SGCZ: variants seen among roughly 807,000 people sequenced by gnomAD.
SGCZ encodes the protein sarcoglycan zeta, also known as zeta-sarcoglycan.
A neutral mutation model predicts 41.3 loss-of-function variants in SGCZ; 40 were observed. The observed-to-expected ratio is 0.97, with a 90% CI of 0.75 to 1.26. The LOEUF (loss-of-function observed/expected upper bound fraction) is 1.26. Among genes scored for constraint, SGCZ ranks in the 50% most tolerant of loss-of-function variants. The pLI is 0.00. For synonymous variants in SGCZ, 206 were observed against 137.5 expected (o/e 1.50, Z -3.49); for missense variants, 552 against 369.8 (o/e 1.49, Z -4.04).
chr8:15,025,670 G>T (rs778868827), intron 1 of SGCZ, among the ~76,000 whole-genome samples: 41 of 152,172 alleles, frequency 2.7e-4, no homozygotes, highest in Non-Finnish European at 4.9e-4. Flanking sequence ...AGAAAGGATT[G>T]AGATTTTGGT....
At chr8:15,221,036 ATAGCAT>A (rs993026669) in intron 1 of SGCZ, among the ~76,000 whole-genome samples, 27 of 152,192 alleles carry the variant, frequency 1.8e-4, no homozygotes, top group African/African-American at 5.8e-4. Context: ...AGGGGGAGGG[ATAGCAT>A]TAGAAGAAAT....
At chr8:14,186,711 T>A (rs1396409265) in intron 4 of SGCZ, among the ~76,000 whole-genome samples, 2 of 152,208 alleles carry the variant, frequency 1.3e-5, no homozygotes, top group Non-Finnish European at 2.9e-5. Context: ...CCTATTCAAA[T>A]GAAAGCTTTA....
intron 1 of SGCZ, among the ~76,000 whole-genome samples, chr8:14,558,970 G>C (rs927959086): frequency 6.6e-6 from 1 of 151,848 alleles, no homozygotes; most frequent in Non-Finnish European, 1.5e-5. Flanking sequence ...GGCACAGAAG[G>C]GACATACCTC....
intron 2 of SGCZ, among the ~76,000 whole-genome samples, chr8:14,408,335 A>G (rs1563309946): frequency 2.0e-5 from 3 of 152,194 alleles, no homozygotes; most frequent in Admixed American, 6.5e-5. Context: ...AGCCATCTCC[A>G]GATATGTCCC....
intron 2 of SGCZ, among the ~76,000 whole-genome samples, chr8:14,394,797 G>T (rs1453425003): frequency 6.6e-6 from 1 of 152,164 alleles, no homozygotes; most frequent in Non-Finnish European, 1.5e-5. Context: ...GTAAAAAAAG[G>T]CTAAATAATG....
intron 1 of SGCZ, among the ~76,000 whole-genome samples, chr8:15,156,861 C>A (rs1161735080): frequency 6.6e-6 from 1 of 150,860 alleles, no homozygotes; most frequent in Non-Finnish European, 1.5e-5. Context: ...AGGAGATTCG[C>A]TTGAACCCAG....
chr8:14,101,360 A>G (rs941696253), intron 7 of SGCZ, among the ~76,000 whole-genome samples: 1 of 151,610 alleles, frequency 6.6e-6, no homozygotes, highest in Non-Finnish European at 1.5e-5. Flanking sequence ...ACCATAGAAA[A>G]TTGGGAAAAG....
At chr8:14,487,357 T>C (rs1801703412) in intron 2 of SGCZ, among the ~76,000 whole-genome samples, 1 of 152,224 alleles carries the variant, frequency 6.6e-6, no homozygotes. Flanking sequence ...ATTTGTAAGC[T>C]ATAAGGAATA....
At chr8:14,646,994 G>T (rs563246110) in intron 1 of SGCZ, among the ~76,000 whole-genome samples, 1 of 151,894 alleles carries the variant, frequency 6.6e-6, no homozygotes, top group Non-Finnish European at 1.5e-5. Flanking sequence ...AATTTAGGTC[G>T]TAGAGCTTCC....
chr8:14,629,201 C>T (rs1401054120), intron 1 of SGCZ, among the ~76,000 whole-genome samples: 1 of 151,984 alleles, frequency 6.6e-6, no homozygotes, highest in Non-Finnish European at 1.5e-5. Flanking sequence ...GGCAGCCTTC[C>T]AATACTTTGA....
At chr8:14,741,002 C>T (rs1370784042) in intron 1 of SGCZ, among the ~76,000 whole-genome samples, 1 of 152,006 alleles carries the variant, frequency 6.6e-6, no homozygotes, top group Non-Finnish European at 1.5e-5. Flanking sequence ...ATAATTGGCA[C>T]CTTTAATTAT....
chr8:14,673,529 A>G (rs945989018), intron 1 of SGCZ, among the ~76,000 whole-genome samples: 1 of 151,392 alleles, frequency 6.6e-6, no homozygotes, highest in African/African-American at 2.4e-5. Flanking sequence ...CTTCGCCATG[A>G]TTGTAAGTTT....
intron 1 of SGCZ, among the ~76,000 whole-genome samples, chr8:14,874,600 A>G (rs1312371526): frequency 6.6e-6 from 1 of 152,142 alleles, no homozygotes; most frequent in African/African-American, 2.4e-5. Context: ...TTCTAATATA[A>G]AATTCAAATT....
chr8:14,976,353 G>C (rs1373675213), intron 1 of SGCZ, among the ~76,000 whole-genome samples: 1 of 151,908 alleles, frequency 6.6e-6, no homozygotes, highest in Admixed American at 6.6e-5. Flanking sequence ...GGAAGTTCAG[G>C]GCCATATGTG....
intron 1 of SGCZ, among the ~76,000 whole-genome samples, chr8:14,986,286 G>A (rs995771976): frequency 6.6e-6 from 1 of 152,076 alleles, no homozygotes; most frequent in Non-Finnish European, 1.5e-5. Flanking sequence ...TCTTAATATA[G>A]CAAACTGGTA....
intron 2 of SGCZ, among the ~76,000 whole-genome samples, chr8:14,416,049 T>C (rs1585479499): frequency 6.6e-6 from 1 of 152,106 alleles, no homozygotes; most frequent in Middle Eastern, 3.4e-3. Flanking sequence ...GGGCAACTTA[T>C]GTTAATATTC....
intron 3 of SGCZ, among the ~76,000 whole-genome samples, chr8:14,323,125 A>G (rs556803846): frequency 6.6e-6 from 1 of 152,192 alleles, no homozygotes; most frequent in African/African-American, 2.4e-5. Context: ...GCATATTTTA[A>G]AAAAGAAATT....
rs188401110 is a variant in SGCZ at position 14,643,158 on chromosome 8, G to A, written c.40-88232C>T. On this transcript the variant is annotated intron_variant, in intron 1 of 7. Transcript: ENST00000382080. ...CATGAATAGCAAAATAGATGAAGGG[G>A]AAAAAGAGTGGAAAGCAAGAAAGTA... is the stretch of plus-strand genomic sequence containing the variant. Among the ~76,000 whole-genome samples the A allele has an allele frequency of 6.5e-4, 99 of 151,594 alleles. 1 individual carries two copies. Among genetic ancestry groups the A allele is most frequent in the East Asian group, 5.8e-3 (30 of 5,134 alleles).
At chr8:14,396,670 T>C (rs574829134) in intron 2 of SGCZ, among the ~76,000 whole-genome samples, 8 of 152,196 alleles carry the variant, frequency 5.3e-5, no homozygotes, top group Admixed American at 4.6e-4. Flanking sequence ...GATTATTAAA[T>C]TCTCCCTTCA....
Sources: gnomAD v4.1 joint callset for allele counts (sites outside exome capture counted in the v4.1 genomes callset) on GRCh38, gnomAD v4.1.1 for gene constraint, MANE v1.5 for transcripts, NCBI Gene and HGNC (gene_info 2026-07-23, HGNC 2026-07-21) for gene names.